VWA3B: variants seen among roughly 807,000 people sequenced by gnomAD.
The protein encoded by VWA3B is von Willebrand factor A domain containing 3B, also known as von Willebrand factor A domain-containing protein 3B.
In VWA3B, 138 loss-of-function variants were observed where a neutral mutation model predicts 158.3. That is an observed-to-expected ratio of 0.87 (90% CI 0.76 to 1.00). The LOEUF is 1.00. Among genes scored for constraint, VWA3B ranks in the 50% least tolerant of loss-of-function variants. The pLI, the probability that VWA3B is intolerant of heterozygous loss-of-function variation, is 0.00. For missense variants in VWA3B, 1,555 were observed against 1,565.1 expected, an observed-to-expected ratio of 0.99 and a Z score of 0.11; for synonymous variants, 596 against 587.3, an observed-to-expected ratio of 1.01 and a Z score of -0.21.
chr2:98,317,055 T>C (rs755525764), downstream of VWA3B, among the ~76,000 whole-genome samples: 2 of 152,174 alleles, frequency 1.3e-5, no homozygotes, highest in Non-Finnish European at 2.9e-5. Context: ...TTCACAAATA[T>C]GGAACCTGTA....
At chr2:98,258,592 G>C (rs1392943372) in intron 21 of VWA3B, among the ~76,000 whole-genome samples, 1 of 151,508 alleles carries the variant, frequency 6.6e-6, no homozygotes, top group Non-Finnish European at 1.5e-5. Flanking sequence ...GTTCTTTTGG[G>C]TGCTATTATA....
chr2:98,191,337 G>A (rs530768572), intron 10 of VWA3B, among the ~76,000 whole-genome samples: 3 of 152,238 alleles, frequency 2.0e-5, no homozygotes, highest in African/African-American at 7.2e-5. Context: ...CTGTTGATCA[G>A]TTTTTCTTCT....
intron 2 of VWA3B, among the ~76,000 whole-genome samples, chr2:98,106,124 C>A (rs1481411810): frequency 6.6e-6 from 1 of 152,102 alleles, no homozygotes; most frequent in Non-Finnish European, 1.5e-5. Flanking sequence ...ATCGTGTTAG[C>A]CAGTATGGTC....
At chr2:98,181,259 C>A in intron 9 of VWA3B, 47 bp downstream of exon 9, 1 of 1,590,094 alleles carries the variant, frequency 6.3e-7, no homozygotes, top group South Asian at 1.1e-5. Context: ...CCCCTCAAGT[C>A]CTGGGTGGGT....
At position 98,301,170 on chromosome 2, in the gene VWA3B, G is replaced by A. The variant is rs2105987679; in HGVS notation, c.3420+954G>A. On this transcript the variant is annotated intron_variant, in intron 25 of 27. Transcript: ENST00000477737. ...CCGGGCATGGTAGTGGGCGCCTGTA[G>A]TCCCAGCTACTCGGGAGGCTGAGGC... 2.0e-5 allele frequency among the ~76,000 whole-genome samples: 3 copies of A among 151,986 alleles called. 1 individual carries two copies. The highest frequency in any genetic ancestry group is 7.2e-5 in the African/African-American group (3 of 41,466).
At chr2:98,171,041 G>T (rs1679540883) in intron 8 of VWA3B, among the ~76,000 whole-genome samples, 1 of 152,232 alleles carries the variant, frequency 6.6e-6, no homozygotes, top group South Asian at 2.1e-4. Context: ...TGTTAGGAAA[G>T]TTACATCAGA....
chr2:98,237,627 A>G (rs548912800), intron 19 of VWA3B, among the ~76,000 whole-genome samples: 1 of 152,228 alleles, frequency 6.6e-6, no homozygotes, highest in African/African-American at 2.4e-5. Context: ...GAATAATTCC[A>G]GTGGAACGGC....
At chr2:98,203,225 G>A (rs1194234364) in intron 12 of VWA3B, among the ~76,000 whole-genome samples, 1 of 151,920 alleles carries the variant, frequency 6.6e-6, no homozygotes, top group East Asian at 1.9e-4. Flanking sequence ...TTGCTCATTT[G>A]CCAAAAATCA....
chr2:98,228,523 G>A (rs1310376227), intron 15 of VWA3B, among the ~76,000 whole-genome samples, 191 bp downstream of exon 15: 1 of 152,114 alleles, frequency 6.6e-6, no homozygotes, highest in Non-Finnish European at 1.5e-5. Flanking sequence ...ATTTAATTGT[G>A]GGCTTGAGGA....
At chr2:98,225,672 G>A (rs957692505) in intron 14 of VWA3B, among the ~76,000 whole-genome samples, 3 of 147,322 alleles carry the variant, frequency 2.0e-5, no homozygotes, top group South Asian at 2.1e-4. Context: ...TGCAGGTAAT[G>A]TATTATCTAC....
At chr2:98,270,198 G>C (rs567776180) in intron 21 of VWA3B, among the ~76,000 whole-genome samples, 10 of 152,220 alleles carry the variant, frequency 6.6e-5, no homozygotes, top group Non-Finnish European at 1.2e-4. Context: ...TTGCAAAGAG[G>C]AAAGAAGATA....
At chr2:98,284,774 G>A (rs1689068410) in intron 22 of VWA3B, among the ~76,000 whole-genome samples, 1 of 152,260 alleles carries the variant, frequency 6.6e-6, no homozygotes, top group Non-Finnish European at 1.5e-5. Context: ...TGGGATGGAG[G>A]ACTAATTTCT....
rs190085398 is a variant in VWA3B at position 98,134,533 on chromosome 2, G to A, written c.988+594G>A. Among the ~76,000 whole-genome samples the A allele has an allele frequency of 7.9e-5, 12 of 152,296 alleles. No individual in the cohort carries two copies. The East Asian group carries it at 2.3e-3, about 29-fold the overall frequency. On this transcript the variant is annotated intron_variant, in intron 7 of 27. Coordinates refer to ENST00000477737, the MANE Select transcript of VWA3B (RefSeq NM_144992.5). ...CAGTGGAAGGTTACTCAGAAAGCCA[G>A]GAGATGGGAGTTTCTTTTAAGCTGA...
rs563986887 is a variant in VWA3B, at chr2:98,304,545, G to A, written c.3521+743G>A. Among the ~76,000 whole-genome samples, 6 of 152,190 alleles carry A rather than the reference G, an allele frequency of 3.9e-5. No homozygotes were observed. The South Asian group carries it at 6.2e-4, about 16-fold the overall frequency. On this transcript the variant is annotated intron_variant, in intron 26 of 27. Transcript: ENST00000477737. Reference sequence around the variant, plus strand: ...TCCTAATGGCCTTACCTTCTACTTCGTCAAAGAACCATCAGACATCCTCTC... The same window carrying A: ...TCCTAATGGCCTTACCTTCTACTTCATCAAAGAACCATCAGACATCCTCTC...
At chr2:98,117,165 G>A (rs1027760536) in intron 3 of VWA3B, among the ~76,000 whole-genome samples, 1 of 152,172 alleles carries the variant, frequency 6.6e-6, no homozygotes, top group African/African-American at 2.4e-5. Context: ...ATTGCTTGGA[G>A]GTAAGAGGAC....
intron 19 of VWA3B, among the ~76,000 whole-genome samples, chr2:98,248,048 TATTAAG>T (rs749796628): frequency 6.6e-6 from 1 of 152,106 alleles, no homozygotes; most frequent in African/African-American, 2.4e-5. Flanking sequence ...GAATTTATTC[TATTAAG>T]ATTATTTTTT....
At chr2:98,285,041 T>C (rs1263016290) in intron 22 of VWA3B, among the ~76,000 whole-genome samples, 1 of 152,210 alleles carries the variant, frequency 6.6e-6, no homozygotes, top group Admixed American at 6.5e-5. Context: ...AAAAAAAAGA[T>C]TTGTAGAAGT....
At chr2:98,290,667 T>C (rs1689437941) in intron 23 of VWA3B, 45 bp downstream of exon 23, 7 of 1,334,718 alleles carry the variant, frequency 5.2e-6, no homozygotes, top group Non-Finnish European at 7.3e-6. Flanking sequence ...GTTAAATAAT[T>C]TGATACTAGG....
chr2:98,193,513 C>T (rs946491266), intron 11 of VWA3B, among the ~76,000 whole-genome samples: 1 of 152,032 alleles, frequency 6.6e-6, no homozygotes, highest in Non-Finnish European at 1.5e-5. Context: ...TGTCAAATGA[C>T]ATCACAGTAA....
Sources: allele counts gnomAD v4.1 joint callset (sites outside exome capture counted in the v4.1 genomes callset), GRCh38; gene constraint gnomAD v4.1.1; transcripts MANE v1.5; gene names NCBI Gene and HGNC (gene_info 2026-07-23, HGNC 2026-07-21).